Variants in EPHA5 observed in about 807,000 individuals in gnomAD.
EPHA5 encodes ephrin type-A receptor 5.
A neutral mutation model predicts 105.0 loss-of-function variants in EPHA5; 60 were observed. The observed-to-expected ratio is 0.57, with a 90% CI of 0.46 to 0.71. The LOEUF (loss-of-function observed/expected upper bound fraction) is 0.71. Ranked by LOEUF, EPHA5 falls within the 30% of genes least tolerant of loss-of-function variation. The pLI, the probability that EPHA5 is intolerant of heterozygous loss-of-function variation, is 0.00. For missense variants in EPHA5, 1,218 were observed against 1,274.7 expected, an observed-to-expected ratio of 0.96 and a Z score of 0.68; for synonymous variants, 513 against 449.1, an observed-to-expected ratio of 1.14 and a Z score of -1.80.
chr4:65,322,793 T>G lies in EPHA5; in HGVS notation c.*1321A>C, dbSNP rs992213829. ...AAATAAAACTTATCAATTATTGAAA[T>G]AAAATTCTGAAGGGAAATAAGCATA... On this transcript the variant is annotated 3_prime_UTR_variant, in exon 17 of 17. Transcript: ENST00000613740. The G allele has an allele frequency of 4.4e-6, 1 of 228,134 alleles. No individual in the cohort carries two copies. Among genetic ancestry groups the G allele is most frequent in the African/African-American group, 2.2e-5 (1 of 45,016 alleles). 14.1% of individuals were successfully genotyped at this position (228,134 alleles called of 1,614,324 possible).
intron 8 of EPHA5, among the ~76,000 whole-genome samples, chr4:65,403,101 A>C (rs988550719): frequency 6.6e-6 from 1 of 152,220 alleles, no homozygotes; most frequent in Non-Finnish European, 1.5e-5. Context: ...ATTCTTAAGA[A>C]AACTTCAAAC....
rs543488009 is a variant in EPHA5, at chr4:65,501,841, A to G, written c.911-6298T>C. Among the ~76,000 whole-genome samples, 12 of 151,850 alleles carry G rather than the reference A, an allele frequency of 7.9e-5. No individual in the cohort carries two copies. The South Asian group carries it at 2.5e-3, about 31-fold the overall frequency. ...CAAAGTGAGTGGCATTACATTACCC[A>G]ACTTCAAAATACAGTATAAGGTTCC... is the stretch of plus-strand genomic sequence containing the variant. On this transcript the variant is annotated intron_variant, in intron 3 of 16. Coordinates refer to ENST00000613740, the MANE Select transcript of EPHA5 (RefSeq NM_001281766.3).
At chr4:65,460,385 A>T (rs541006480) in intron 5 of EPHA5, among the ~76,000 whole-genome samples, 5 of 151,412 alleles carry the variant, frequency 3.3e-5, no homozygotes, top group African/African-American at 1.2e-4. Flanking sequence ...TTAAAACATT[A>T]TTTAGTTTCC....
At position 65,531,950 on chromosome 4, in the gene EPHA5, C is replaced by G. The variant is rs1735845652; in HGVS notation, c.911-36407G>C. ...CAAAAGACTGTTGTATTAAATAAGGCCATGTGTATACGAGGCTTAATATGC... is the reference window on the plus strand; with the variant it reads ...CAAAAGACTGTTGTATTAAATAAGGGCATGTGTATACGAGGCTTAATATGC... On this transcript the variant is annotated intron_variant, in intron 3 of 16. Transcript: ENST00000613740. Among the ~76,000 whole-genome samples the G allele has an allele frequency of 2.0e-5, 3 of 152,234 alleles. No homozygotes were observed. The South Asian group carries it at 6.2e-4, about 32-fold the overall frequency.
intron 8 of EPHA5, among the ~76,000 whole-genome samples, chr4:65,392,467 T>G (rs1720813958): frequency 6.6e-6 from 1 of 152,146 alleles, no homozygotes; most frequent in Non-Finnish European, 1.5e-5. Flanking sequence ...TTATTAGAAC[T>G]TATTAAATTC....
intron 14 of EPHA5, among the ~76,000 whole-genome samples, chr4:65,337,418 C>T (rs1721288805): frequency 6.6e-6 from 1 of 152,084 alleles, no homozygotes; most frequent in Non-Finnish European, 1.5e-5. Flanking sequence ...TCTATCTACC[C>T]TTCTACTTCC....
At chr4:65,622,809 G>A (rs1745820991) in intron 2 of EPHA5, among the ~76,000 whole-genome samples, 1 of 151,974 alleles carries the variant, frequency 6.6e-6, no homozygotes, top group South Asian at 2.1e-4. Context: ...AATAAATCCT[G>A]TCTCTTAGAA....
intron 3 of EPHA5, among the ~76,000 whole-genome samples, chr4:65,592,549 A>C (rs888269443): frequency 6.6e-6 from 1 of 152,164 alleles, no homozygotes; most frequent in Non-Finnish European, 1.5e-5. Flanking sequence ...AAAAGAAAAA[A>C]ATTTACACAA....
At chr4:65,346,058 C>G (rs1342544827) in intron 14 of EPHA5, among the ~76,000 whole-genome samples, 1 of 150,118 alleles carries the variant, frequency 6.7e-6, no homozygotes, top group Non-Finnish European at 1.5e-5. Flanking sequence ...CCACCGCGGC[C>G]AGCCCGTGCC....
intron 4 of EPHA5, among the ~76,000 whole-genome samples, chr4:65,492,116 CATTT>C (rs1225623043): frequency 2.0e-5 from 3 of 152,042 alleles, no homozygotes; most frequent in Non-Finnish European, 2.9e-5. Context: ...TTTTAACTAA[CATTT>C]ATTAAGTCAT....
chr4:65,359,509 A>G (rs1717057824), intron 11 of EPHA5, among the ~76,000 whole-genome samples: 1 of 151,610 alleles, frequency 6.6e-6, no homozygotes. Flanking sequence ...CTGATTACCA[A>G]GCTTAATCTT....
intron 3 of EPHA5, among the ~76,000 whole-genome samples, chr4:65,545,062 G>T (rs1030745591): frequency 2.0e-4 from 30 of 151,870 alleles, no homozygotes; most frequent in Non-Finnish European, 1.5e-4. Context: ...CGACTTTGTG[G>T]TCAGTAAACT....
In EPHA5 at chr4:65,330,109, T is replaced by C. The variant is rs141534860; in HGVS notation, c.2945+1864A>G. Among the ~76,000 whole-genome samples the C allele has an allele frequency of 3.3e-5, 5 of 151,510 alleles. No homozygotes were observed. In the East Asian group the frequency reaches 5.9e-4, roughly 18 times the overall value. On this transcript the variant is annotated intron_variant, in intron 16 of 16. Transcript: ENST00000613740. ...CCCCAGGAATTTGGAGCAGTTACTATAGACAGACCAATACTTTCTGAATGG... is the reference window on the plus strand; with the variant it reads ...CCCCAGGAATTTGGAGCAGTTACTACAGACAGACCAATACTTTCTGAATGG...
chr4:65,558,650 G>C (rs146020369), intron 3 of EPHA5, among the ~76,000 whole-genome samples: 2 of 151,890 alleles, frequency 1.3e-5, no homozygotes, highest in East Asian at 3.9e-4. Context: ...CCATTAACTC[G>C]TCATTTAACA....
At chr4:65,361,293 A>C (rs1717289760) in intron 11 of EPHA5, among the ~76,000 whole-genome samples, 1 of 151,712 alleles carries the variant, frequency 6.6e-6, no homozygotes, top group South Asian at 2.1e-4. Context: ...AAGGTCGAGT[A>C]GAGAGAAGAG....
At chr4:65,492,978 GT>G (rs1423115607) in intron 4 of EPHA5, among the ~76,000 whole-genome samples, 1 of 63,410 alleles carries the variant, frequency 1.6e-5, no homozygotes, top group Non-Finnish European at 3.2e-5. Context: ...TCAAACTTCT[GT>G]TTTGTTTTGT....
chr4:65,550,840 AAAAAAC>A (rs565107543), intron 3 of EPHA5, among the ~76,000 whole-genome samples: 96 of 152,250 alleles, frequency 6.3e-4, no homozygotes, highest in Non-Finnish European at 9.9e-4. Context: ...CTTCTCAAAC[AAAAAAC>A]AAAAACAAAA....
chr4:65,572,444 C>T (rs1241652722), intron 3 of EPHA5, among the ~76,000 whole-genome samples: 1 of 152,042 alleles, frequency 6.6e-6, no homozygotes, highest in Non-Finnish European at 1.5e-5. Context: ...AACTTAGGCC[C>T]CCACTGCTTC....
At chr4:65,548,203 T>C (rs1737567437) in intron 3 of EPHA5, among the ~76,000 whole-genome samples, 1 of 49,952 alleles carries the variant, frequency 2.0e-5, no homozygotes, top group African/African-American at 7.7e-5. Context: ...ACATAAAATA[T>C]GTGTTTAATA....
Sources: allele counts gnomAD v4.1 joint callset (sites outside exome capture counted in the v4.1 genomes callset), GRCh38; gene constraint gnomAD v4.1.1; transcripts MANE v1.5; gene names NCBI Gene and HGNC (gene_info 2026-07-23, HGNC 2026-07-21).